The following DSCAM variants were observed in gnomAD, a reference collection of about 807,000 sequenced individuals.
The protein encoded by DSCAM is cell adhesion molecule DSCAM.
DSCAM carries 47 observed loss-of-function variants against 217.7 expected under a neutral mutation model. That is an observed-to-expected ratio of 0.22 (90% CI 0.17 to 0.28). The LOEUF is 0.28. Ranked by LOEUF, DSCAM falls within the 10% of genes least tolerant of loss-of-function variation. The probability of loss-of-function intolerance (pLI) is 1.00; values close to 1 mark genes in which losing one functional copy is unlikely to be tolerated. For missense variants in DSCAM, 2,080 were observed against 2,618.3 expected (o/e 0.79, Z 4.49); for synonymous variants, 1,056 against 1,015.3 (o/e 1.04, Z -0.76).
intron 1 of DSCAM, among the ~76,000 whole-genome samples, chr21:40,821,073 T>C (rs868436716): frequency 2.2e-5 from 3 of 136,086 alleles, no homozygotes; most frequent in Admixed American, 7.6e-5. Context: ...TCTTCACATA[T>C]AGATCTTCAC....
intron 11 of DSCAM, among the ~76,000 whole-genome samples, chr21:40,262,388 A>AC (rs60838579): frequency 0.14 from 20,858 of 152,066 alleles, 3,677 homozygotes; most frequent in African/African-American, 0.4. Context: ...TAAGGCCCTT[A>AC]CAGGTGCAGC....
At chr21:40,438,886 C>T (rs1190853861) in intron 3 of DSCAM, among the ~76,000 whole-genome samples, 2 of 152,236 alleles carry the variant, frequency 1.3e-5, no homozygotes, top group East Asian at 1.9e-4. Context: ...CCAATATCGA[C>T]ATCTTAGATT....
intron 26 of DSCAM, among the ~76,000 whole-genome samples, chr21:40,075,483 A>C (rs1430947118): frequency 6.6e-6 from 1 of 152,230 alleles, no homozygotes; most frequent in Non-Finnish European, 1.5e-5. Context: ...TGAAAGCATG[A>C]GGCCCAGGCT....
chr21:40,333,087 C>G (rs1480190622), intron 8 of DSCAM, among the ~76,000 whole-genome samples: 1 of 152,172 alleles, frequency 6.6e-6, no homozygotes, highest in Non-Finnish European at 1.5e-5. Flanking sequence ...CCAAAATTAG[C>G]TGGCTGAAAT....
chr21:40,683,867 A>C lies in DSCAM; in HGVS notation c.508+8943T>G, dbSNP rs559368598. On this transcript the variant is annotated intron_variant, in intron 3 of 32. Transcript: ENST00000400454. ...AGGATGCTGAGAAAAAGCTTGGGAA[A>C]GACCTCTTCAGCTATACAGACGCGG... Among the ~76,000 whole-genome samples, 3 of 152,248 alleles carry C rather than the reference A, an allele frequency of 2.0e-5. No individual in the cohort carries two copies. The East Asian group carries it at 5.8e-4, about 29-fold the overall frequency.
chr21:40,424,185 T>C (rs1171054616), intron 3 of DSCAM, among the ~76,000 whole-genome samples: 1 of 152,238 alleles, frequency 6.6e-6, no homozygotes, highest in Non-Finnish European at 1.5e-5. Flanking sequence ...TTTTCTAATT[T>C]AGAAGTCATG....
intron 4 of DSCAM, among the ~76,000 whole-genome samples, chr21:40,355,967 T>G (rs2074687933): frequency 6.6e-6 from 1 of 152,206 alleles, no homozygotes; most frequent in South Asian, 2.1e-4. Context: ...ATGGGAAGAT[T>G]TGCTTCCTTT....
At chr21:40,524,610 T>C (rs2076385544) in intron 3 of DSCAM, among the ~76,000 whole-genome samples, 2 of 152,188 alleles carry the variant, frequency 1.3e-5, no homozygotes, top group Admixed American at 1.3e-4. Context: ...TAATTCATTC[T>C]TTTTTTGCTT....
intron 14 of DSCAM, among the ~76,000 whole-genome samples, chr21:40,183,929 G>C (rs2090866506): frequency 6.6e-6 from 1 of 152,196 alleles, no homozygotes; most frequent in African/African-American, 2.4e-5. Context: ...GTTATTATGA[G>C]TCTCGTATAC....
Position 40,208,813 on chromosome 21 carries a change from C to T in DSCAM, c.2357-19575G>A, listed in dbSNP as rs1005935327. On this transcript the variant is annotated intron_variant, in intron 11 of 32. Coordinates refer to ENST00000400454, the MANE Select transcript of DSCAM (RefSeq NM_001389.5). Reference sequence around the variant, plus strand: ...GGCAGCTGCGGCTTTCACTGCCCTACTCCTCCCTCCTCTTAACCTTTCATT... The same window carrying T: ...GGCAGCTGCGGCTTTCACTGCCCTATTCCTCCCTCCTCTTAACCTTTCATT... Among the ~76,000 whole-genome samples the T allele has an allele frequency of 1.5e-4, 23 of 152,202 alleles. 1 individual carries two copies. Among genetic ancestry groups the T allele is most frequent in the Non-Finnish European group, 3.1e-4 (21 of 68,034 alleles).
At chr21:40,719,821 A>G (rs796665219) in intron 1 of DSCAM, among the ~76,000 whole-genome samples, 11 of 152,326 alleles carry the variant, frequency 7.2e-5, no homozygotes, top group African/African-American at 2.6e-4. Context: ...GGAAAGGGCC[A>G]TGAGGTGGCA....
At chr21:40,770,892 A>T (rs980627699) in intron 1 of DSCAM, among the ~76,000 whole-genome samples, 1 of 152,264 alleles carries the variant, frequency 6.6e-6, no homozygotes, top group African/African-American at 2.4e-5. Flanking sequence ...TGAAAGTAAA[A>T]GTAAAATGCA....
At chr21:40,153,891 A>C (rs930449407) in intron 16 of DSCAM, among the ~76,000 whole-genome samples, 45 of 152,184 alleles carry the variant, frequency 3.0e-4, no homozygotes, top group African/African-American at 1.0e-3. Flanking sequence ...CCCATTTCTC[A>C]GGTTAGCCAG....
At chr21:40,377,720 T>C (rs2074977340) in intron 3 of DSCAM, among the ~76,000 whole-genome samples, 1 of 151,118 alleles carries the variant, frequency 6.6e-6, no homozygotes, top group African/African-American at 2.4e-5. Context: ...GGAAGGCGAG[T>C]GAAGGAAGAA....
intron 3 of DSCAM, among the ~76,000 whole-genome samples, chr21:40,397,616 C>A (rs1204857687): frequency 6.6e-6 from 1 of 152,098 alleles, no homozygotes; most frequent in Non-Finnish European, 1.5e-5. Context: ...CTAAAACACT[C>A]AGTGATTGGC....
chr21:40,834,129 C>G (rs77286043), intron 1 of DSCAM, among the ~76,000 whole-genome samples: 18,080 of 151,872 alleles, frequency 0.12, 1,121 homozygotes, highest in Admixed American at 0.17. Context: ...TTCCATTTGC[C>G]AAAAAATAAT....
chr21:40,475,701 T>C (rs1389377656), intron 3 of DSCAM, among the ~76,000 whole-genome samples: 1 of 152,018 alleles, frequency 6.6e-6, no homozygotes, highest in Non-Finnish European at 1.5e-5. Flanking sequence ...CTTGGTGGCA[T>C]GCGCCTGTAA....
At chr21:40,785,583 T>C (rs6517615) in intron 1 of DSCAM, among the ~76,000 whole-genome samples, 30,590 of 152,122 alleles carry the variant, frequency 0.2, 3,860 homozygotes, top group African/African-American at 0.36. Flanking sequence ...ATCTTGTACA[T>C]ATCTTTCAGT....
chr21:40,236,386 C>G (rs1487548111), intron 11 of DSCAM, among the ~76,000 whole-genome samples: 2 of 152,182 alleles, frequency 1.3e-5, no homozygotes, highest in Non-Finnish European at 2.9e-5. Flanking sequence ...GGGCTTCTGG[C>G]TCTTCTCTAT....
Sources: allele counts gnomAD v4.1 joint callset (sites outside exome capture counted in the v4.1 genomes callset), GRCh38; gene constraint gnomAD v4.1.1; transcripts MANE v1.5; gene names NCBI Gene and HGNC (gene_info 2026-07-23, HGNC 2026-07-21).